POLR2E: variants seen among roughly 807,000 people sequenced by gnomAD.
The protein encoded by POLR2E is DNA-directed RNA polymerases I, II, and III subunit RPABC1.
POLR2E carries 35 observed loss-of-function variants against 29.8 expected under a neutral mutation model. The ratio of observed to expected loss-of-function variants is 1.17; its 90% CI spans 0.90 to 1.55. The LOEUF (loss-of-function observed/expected upper bound fraction) is 1.55, where lower values mean the gene tolerates loss of function less well. Among genes scored for constraint, POLR2E ranks in the 40% most tolerant of loss-of-function variants. The pLI, the probability that POLR2E is intolerant of heterozygous loss-of-function variation, is 0.00. For missense variants in POLR2E, 287 were observed against 288.6 expected, an observed-to-expected ratio of 0.99 and a Z score of 0.04; for synonymous variants, 174 against 112.6, an observed-to-expected ratio of 1.55 and a Z score of -3.45.
At chr19:1,090,460 A>C (rs1300842232) in intron 4 of POLR2E, among the ~76,000 whole-genome samples, 2 of 90,448 alleles carry the variant, frequency 2.2e-5, no homozygotes, top group African/African-American at 4.3e-5. Context: ...CGGGATCTGC[A>C]TTTTTTTTTT....
chr19:1,095,123 C>G (rs2074446), intron 1 of POLR2E, 136 bp downstream of exon 1: 179,116 of 901,386 alleles, frequency 0.2, 18,925 homozygotes, highest in South Asian at 0.29. Flanking sequence ...CCGGCGACCT[C>G]TGGGCCTCCC....
At chr19:1,092,949 G>T (rs1451215195) in intron 2 of POLR2E, among the ~76,000 whole-genome samples, 2 of 150,790 alleles carry the variant, frequency 1.3e-5, no homozygotes, top group African/African-American at 2.4e-5. Flanking sequence ...ACTTTGGGAG[G>T]CCGAGGCGGG....
At chr19:1,089,125 G>A (rs951519270) in intron 7 of POLR2E, among the ~76,000 whole-genome samples, 3 of 151,820 alleles carry the variant, frequency 2.0e-5, no homozygotes, top group Admixed American at 2.0e-4. Flanking sequence ...TCCTCTCTCA[G>A]CTCTGGGGTC....
chr19:1,089,836 T>G (rs776897208), intron 6 of POLR2E, 48 bp downstream of exon 6: 16 of 1,433,518 alleles, frequency 1.1e-5, no homozygotes, highest in Non-Finnish European at 1.6e-5. Context: ...CTTCTCCGAG[T>G]GGTCAGCTCA....
chr19:1,091,533 G>C (rs1427304774), intron 3 of POLR2E: 1 of 519,246 alleles, frequency 1.9e-6, no homozygotes. Flanking sequence ...GAGCCCACAG[G>C]AGCTGGCGAG....
At position 1,086,948 on chromosome 19, in the gene POLR2E, G is replaced by A. The variant is rs2043692436; in HGVS notation, c.*1787C>T. 1 of 152,056 alleles carries A rather than the reference G, an allele frequency of 6.6e-6. No individual in the cohort carries two copies. Among genetic ancestry groups the A allele is most frequent in the African/African-American group, 2.4e-5 (1 of 41,368 alleles). 9.4% of individuals were successfully genotyped at this position (152,056 alleles called of 1,614,324 possible). A position where few individuals can be genotyped will look rare whatever the true frequency, so the allele number is the denominator to read the frequency against. ...AAGGTTTCGCACGTCAGCCCCACAT[G>A]GCCACCAAGCACTGGAAACGTGGCC... On this transcript the variant is annotated 3_prime_UTR_variant, in exon 8 of 8. Coordinates refer to ENST00000615234, the MANE Select transcript of POLR2E (RefSeq NM_002695.5).
Position 1,095,285 on chromosome 19 carries a change from A to G in POLR2E, c.31T>C (p.Trp11Arg), listed in dbSNP as rs2043916669. The G allele has an allele frequency of 6.2e-7, 1 of 1,613,094 alleles. No individual in the cohort carries two copies. The highest frequency in any genetic ancestry group is 8.5e-7 in the Non-Finnish European group (1 of 1,179,784). ...TGCATGATGGTCTTGCGGATTTTCC[A>G]GAGCCGGTACGTCTCCTCCTCGTCG... MDDEEETYRL[W>R]KIRKTIMQLC... Residue 11 changes from tryptophan to arginine, a missense_variant, in exon 1 of 8, where the codon TGG (tryptophan) becomes CGG (arginine). Transcript: ENST00000615234.
At chr19:1,093,439 G>A (rs939584705) in intron 2 of POLR2E, among the ~76,000 whole-genome samples, 1 of 152,022 alleles carries the variant, frequency 6.6e-6, no homozygotes, top group East Asian at 1.9e-4. Flanking sequence ...AAGCTCGAGG[G>A]ACGAGTACCG....
chr19:1,089,723 A>G, intron 6 of POLR2E, 161 bp downstream of exon 6: 1 of 785,722 alleles, frequency 1.3e-6, no homozygotes, highest in East Asian at 2.7e-5. Flanking sequence ...CTCTGGGCCC[A>G]GTGGCCCTGG....
intron 1 of POLR2E, 27 bp downstream of exon 1, chr19:1,095,232 C>T (rs2043915584): frequency 6.2e-7 from 1 of 1,610,612 alleles, no homozygotes. Flanking sequence ...GCCCGCGCCC[C>T]CGCCCCCAAC....
At chr19:1,090,718 G>A (rs368018710) in intron 4 of POLR2E, among the ~76,000 whole-genome samples, 190 bp downstream of exon 4, 56 of 151,966 alleles carry the variant, frequency 3.7e-4, no homozygotes, top group African/African-American at 1.3e-3. Flanking sequence ...GCGCCCGGCC[G>A]GGATCTGCAT....
intron 2 of POLR2E, 60 bp downstream of exon 2, chr19:1,093,844 C>T (rs961211962): frequency 6.7e-6 from 10 of 1,493,650 alleles, no homozygotes; most frequent in South Asian, 4.1e-5. Flanking sequence ...TGCTAGCGAC[C>T]GGCTCCTCGG....
intron 1 of POLR2E, chr19:1,094,947 T>C: frequency 2.1e-6 from 1 of 476,078 alleles, no homozygotes; most frequent in South Asian, 3.1e-5. Context: ...AAGGGCAGAG[T>C]CTGGGGGCGC....
chr19:1,091,451 G>A, intron 3 of POLR2E: 1 of 386,442 alleles, frequency 2.6e-6, no homozygotes, highest in East Asian at 5.3e-5. Flanking sequence ...GGCCTCCTCT[G>A]CAAGTCCCCC....
intron 2 of POLR2E, among the ~76,000 whole-genome samples, chr19:1,092,720 C>G (rs972883163): frequency 6.6e-6 from 1 of 150,984 alleles, no homozygotes; most frequent in African/African-American, 2.4e-5. Flanking sequence ...ATAAACAATA[C>G]AAAAAGAAAA....
intron 2 of POLR2E, among the ~76,000 whole-genome samples, chr19:1,092,931 A>C (rs985242855): frequency 6.6e-6 from 1 of 150,480 alleles, no homozygotes; most frequent in African/African-American, 2.4e-5. Context: ...CACGCCTGTA[A>C]TCCCAGCACT....
At chr19:1,090,195 A>G (rs1258331708) in intron 4 of POLR2E, 50 bp from the exon 5 acceptor site, 1 of 1,545,534 alleles carries the variant, frequency 6.5e-7, no homozygotes, top group East Asian at 2.2e-5. Context: ...GTGAGACCCC[A>G]CGTGGCTCCC....
chr19:1,091,208 A>C (rs1221806884), intron 3 of POLR2E, among the ~76,000 whole-genome samples: 1 of 152,198 alleles, frequency 6.6e-6, no homozygotes, highest in Non-Finnish European at 1.5e-5. Flanking sequence ...TGGCCGTGGA[A>C]ACTCGGATGT....
In POLR2E at chr19:1,089,921, T is replaced by A. The variant is rs746033391; in HGVS notation, c.530A>T (p.Asp177Val). 1 of 1,611,362 alleles carries A rather than the reference T, an allele frequency of 6.2e-7. No homozygotes were observed. The highest frequency in any genetic ancestry group is 1.1e-5 in the South Asian group (1 of 90,980). Residue 177 changes from aspartate (D) to valine (V), a missense_variant, in exon 6 of 8, where the codon GAC (aspartate) becomes GTC (valine). Asp to Val is a radical substitution (Grantham distance 152). Transcript: ENST00000615234. The part of the protein sequence containing the change: ...ENQLPRIQAG[D>V]PVARYFGIKR... ...TATCCCAAAGTAGCGCGCCACAGGG[T>A]CCCCCGCCTGGATCCTGGGCAGCTG...
Sources: gnomAD v4.1 joint callset for allele counts (sites outside exome capture counted in the v4.1 genomes callset) on GRCh38, gnomAD v4.1.1 for gene constraint, MANE v1.5 for transcripts, NCBI Gene and HGNC (gene_info 2026-07-23, HGNC 2026-07-21) for gene names.